Variants in NARS2 observed in about 807,000 individuals in gnomAD.
NARS2 encodes asparaginyl-tRNA synthetase 2, mitochondrial.
A neutral mutation model predicts 62.9 loss-of-function variants in NARS2; 60 were observed. That is an observed-to-expected ratio of 0.95 (90% CI 0.77 to 1.18). The LOEUF (loss-of-function observed/expected upper bound fraction) is 1.18. Ranked by LOEUF, NARS2 falls within the 50% of genes most tolerant of loss-of-function variation. The pLI, the probability that NARS2 is intolerant of heterozygous loss-of-function variation, is 0.00. For synonymous variants in NARS2, 196 were observed against 200.0 expected, an observed-to-expected ratio of 0.98 and a Z score of 0.17; for missense variants, 619 against 576.4, an observed-to-expected ratio of 1.07 and a Z score of -0.76.
At position 78,504,399 on chromosome 11, in the gene NARS2, C is replaced by T. The variant is rs144764062; in HGVS notation, c.690-11204G>A. Reference sequence around the variant, plus strand: ...TCTATGTGACACATGTCTGTTTATCCGTCCCTTACACCTGTTTCATGTGGC... The same window carrying T: ...TCTATGTGACACATGTCTGTTTATCTGTCCCTTACACCTGTTTCATGTGGC... On this transcript the variant is annotated intron_variant, in intron 6 of 13. Coordinates refer to ENST00000281038, the MANE Select transcript of NARS2 (RefSeq NM_024678.6). 6.6e-5 allele frequency among the ~76,000 whole-genome samples: 10 copies of T among 150,770 alleles called. No individual in the cohort carries two copies. In the East Asian group the frequency reaches 1.4e-3, roughly 21 times the overall value.
intron 5 of NARS2, among the ~76,000 whole-genome samples, chr11:78,556,236 T>C (rs1856348579): frequency 1.3e-5 from 2 of 152,322 alleles, no homozygotes; most frequent in South Asian, 2.1e-4. Flanking sequence ...AGGTCACATA[T>C]TCATTTTGAA....
At chr11:78,482,563 A>G (rs1407974153) in intron 7 of NARS2, among the ~76,000 whole-genome samples, 1 of 152,220 alleles carries the variant, frequency 6.6e-6, no homozygotes, top group African/African-American at 2.4e-5. Context: ...AAGGGATATC[A>G]CCACAGATCC....
At chr11:78,564,699 T>A (rs1010217882) in intron 4 of NARS2, among the ~76,000 whole-genome samples, 1 of 152,170 alleles carries the variant, frequency 6.6e-6, no homozygotes, top group Admixed American at 6.5e-5. Flanking sequence ...ATTTTTACAA[T>A]TGTGTGGTTC....
chr11:78,533,820 T>C (rs546511116), intron 5 of NARS2, among the ~76,000 whole-genome samples: 1 of 152,338 alleles, frequency 6.6e-6, no homozygotes, highest in African/African-American at 2.4e-5. Flanking sequence ...CCCTTTCCCC[T>C]AACCCCTGGA....
intron 6 of NARS2, among the ~76,000 whole-genome samples, chr11:78,493,972 A>C (rs957626823): frequency 6.6e-6 from 1 of 152,196 alleles, no homozygotes; most frequent in Non-Finnish European, 1.5e-5. Flanking sequence ...ACACAAGAAA[A>C]AAGAACGTCA....
intron 11 of NARS2, among the ~76,000 whole-genome samples, chr11:78,459,323 T>G (rs1218339644): frequency 2.0e-5 from 3 of 150,796 alleles, no homozygotes; most frequent in Non-Finnish European, 2.9e-5. Context: ...CAGGCTGGAG[T>G]ACAATGATGC....
chr11:78,538,974 G>A (rs10899544), intron 5 of NARS2, among the ~76,000 whole-genome samples: 84,867 of 124,460 alleles, frequency 0.68, 30,687 homozygotes, highest in Non-Finnish European at 0.81. Context: ...CAGCCTGGGC[G>A]ACAGAGCGAG....
At chr11:78,516,671 G>T (rs1860923624) in intron 6 of NARS2, among the ~76,000 whole-genome samples, 1 of 152,174 alleles carries the variant, frequency 6.6e-6, no homozygotes, top group Non-Finnish European at 1.5e-5. Context: ...CAACATGATA[G>T]TAACAGAAGC....
chr11:78,461,951 T>G (rs1858417301), intron 11 of NARS2, among the ~76,000 whole-genome samples: 1 of 152,106 alleles, frequency 6.6e-6, no homozygotes, highest in Non-Finnish European at 1.5e-5. Flanking sequence ...AGATTCCGTC[T>G]TTTAAAAAAA....
At chr11:78,520,109 T>C (rs1861060334) in intron 6 of NARS2, among the ~76,000 whole-genome samples, 1 of 152,216 alleles carries the variant, frequency 6.6e-6, no homozygotes, top group Admixed American at 6.5e-5. Flanking sequence ...TTAAAGGTTG[T>C]ATTAGTTTCC....
intron 6 of NARS2, among the ~76,000 whole-genome samples, chr11:78,507,455 G>A (rs990180039): frequency 6.6e-6 from 1 of 151,504 alleles, no homozygotes; most frequent in Admixed American, 6.6e-5. Flanking sequence ...CTGGGGAAGA[G>A]AGAGAATTTG....
At chr11:78,533,632 G>C (rs1352874266) in intron 5 of NARS2, among the ~76,000 whole-genome samples, 1 of 152,146 alleles carries the variant, frequency 6.6e-6, no homozygotes, top group Admixed American at 6.5e-5. Flanking sequence ...TGTACCTCCT[G>C]GCTGAAAGGC....
intron 10 of NARS2, among the ~76,000 whole-genome samples, chr11:78,468,651 G>A (rs1166644642): frequency 1.3e-5 from 2 of 151,890 alleles, no homozygotes; most frequent in African/African-American, 2.4e-5. Flanking sequence ...TGATCCACCC[G>A]CCTCAGCCTC....
In NARS2 at chr11:78,559,527, A is replaced by T. The variant is rs752699935; in HGVS notation, c.594+12T>A. 2 of 1,577,022 alleles carry T rather than the reference A, an allele frequency of 1.3e-6. No individual in the cohort carries two copies. Among genetic ancestry groups the T allele is most frequent in the Admixed American group, 1.7e-5 (1 of 59,912 alleles). ...CAGCAATGTACCCCTCAAGATGGGA[A>T]GCAAAACTTACTTCAAGTTGAAAAA... On this transcript the variant is annotated intron_variant, in intron 5 of 13. Transcript: ENST00000281038.
chr11:78,465,374 G>C (rs1345611034), intron 11 of NARS2, among the ~76,000 whole-genome samples: 1 of 152,280 alleles, frequency 6.6e-6, no homozygotes, highest in Non-Finnish European at 1.5e-5. Context: ...AGGCTGAAGG[G>C]CTCCTCAAGT....
intron 6 of NARS2, among the ~76,000 whole-genome samples, chr11:78,524,591 T>G (rs544807192): frequency 2.6e-5 from 4 of 152,044 alleles, no homozygotes; most frequent in South Asian, 4.1e-4. Flanking sequence ...TAATTGCAGG[T>G]TTTACAATTT....
At chr11:78,466,108 C>G in intron 10 of NARS2, 95 bp from the exon 11 acceptor site, 2 of 1,305,966 alleles carry the variant, frequency 1.5e-6, no homozygotes, top group Non-Finnish European at 2.1e-6. Context: ...CTAAGGGCTT[C>G]ATCTTCCTGA....
At chr11:78,562,151 G>A (rs1027724184) in intron 4 of NARS2, among the ~76,000 whole-genome samples, 17 of 152,288 alleles carry the variant, frequency 1.1e-4, no homozygotes, top group Admixed American at 7.2e-4. Flanking sequence ...CATAGGCTGG[G>A]GCACAGTGGC....
chr11:78,472,862 G>A (rs759891462), intron 9 of NARS2, among the ~76,000 whole-genome samples: 1 of 152,194 alleles, frequency 6.6e-6, no homozygotes. Flanking sequence ...ATGCCAAAGT[G>A]GTAGAGAGGG....
Sources: gnomAD v4.1 joint callset for allele counts (sites outside exome capture counted in the v4.1 genomes callset) on GRCh38, gnomAD v4.1.1 for gene constraint, MANE v1.5 for transcripts, NCBI Gene and HGNC (gene_info 2026-07-23, HGNC 2026-07-21) for gene names.